The following TONSL variants were observed in gnomAD, a reference collection of about 807,000 sequenced individuals.
The protein encoded by TONSL is tonsoku like, DNA repair protein.
TONSL carries 112 observed loss-of-function variants against 147.1 expected under a neutral mutation model. That is an observed-to-expected ratio of 0.76 (90% CI 0.65 to 0.89). TONSL has a LOEUF of 0.89. Ranked by LOEUF, TONSL falls within the 40% of genes least tolerant of loss-of-function variation. The pLI is 0.00. For synonymous variants in TONSL, 868 were observed against 801.5 expected, an observed-to-expected ratio of 1.08 and a Z score of -1.40; for missense variants, 1,883 against 1,864.6, an observed-to-expected ratio of 1.01 and a Z score of -0.18.
chr8:144,443,205 C>T lies in TONSL; in HGVS notation c.381G>A (p.Arg127=), dbSNP rs1450006991. ...CAGCCTGTGCCTGCAGCAAAGCATC[C>T]CTCGACTGGCAGTGGTCATAGATGT... The part of the protein sequence containing the change: ...HLDIYDHCQS[R]DALLQAQAAF... Residue 127 remains arginine (R), a synonymous_variant, in exon 4 of 26, where the codon AGG becomes AGA. Coordinates refer to ENST00000409379, the MANE Select transcript of TONSL (RefSeq NM_013432.5). 8.4e-6 allele frequency: 13 copies of T among 1,550,774 alleles called. No homozygotes were observed. The highest frequency in any genetic ancestry group is 1.1e-5 in the Non-Finnish European group (13 of 1,146,966).
Position 144,429,170 on chromosome 8 carries a change from G to T in TONSL, c.4110C>A (p.Gly1370=). ...AGAGGCGCCGAAAGAAGAGCTTGGAGCCGTGGTCCAGCGTGCACTCGCCGG... is the reference window on the plus strand; with the variant it reads ...AGAGGCGCCGAAAGAAGAGCTTGGATCCGTGGTCCAGCGTGCACTCGCCGG... ...PGPGECTLDH[G]SKLFFRRL Residue 1370 remains glycine, a synonymous_variant, in exon 26 of 26, where the codon GGC becomes GGA. Coordinates refer to ENST00000409379, the MANE Select transcript of TONSL (RefSeq NM_013432.5). The T allele has an allele frequency of 6.5e-7, 1 of 1,533,316 alleles. No homozygotes were observed. The highest frequency in any genetic ancestry group is 8.7e-7 in the Non-Finnish European group (1 of 1,144,720). The allele number at this position is 1,533,316 out of a possible 1,614,324, so 95.0% of individuals were successfully genotyped here. A position where few individuals can be genotyped will look rare whatever the true frequency, so the allele number is the denominator to read the frequency against.
intron 7 of TONSL, 78 bp from the exon 8 acceptor site, chr8:144,441,189 C>T (rs1006971565): frequency 1.0e-5 from 16 of 1,558,632 alleles, no homozygotes; most frequent in Non-Finnish European, 5.2e-6. Context: ...GCTGTGAGCC[C>T]TGTGGTGGCC....
Position 144,443,874 on chromosome 8 carries a change from G to A in TONSL, c.264+8C>T, listed in dbSNP as rs761707120. On this transcript the variant is annotated splice_region_variant and intron_variant, in intron 3 of 25. Coordinates refer to ENST00000409379, the MANE Select transcript of TONSL (RefSeq NM_013432.5). ...CGGGCTGGACGAGGCCAGTGAGGGC[G>A]CCCGCACCTGCAAGGCAGCCGGGTA... 5.2e-6 allele frequency: 8 copies of A among 1,544,274 alleles called. 1 individual carries two copies. The South Asian group carries it at 9.5e-5, about 18-fold the overall frequency.
chr8:144,433,329 G>A, intron 22 of TONSL: 1 of 378,696 alleles, frequency 2.6e-6, no homozygotes, highest in Non-Finnish European at 4.8e-6. Flanking sequence ...GCCCGCCTTG[G>A]CCTCCCAAAG....
At position 144,435,176 on chromosome 8, in the gene TONSL, G is replaced by C. The variant is rs2130846533; in HGVS notation, c.2853-6C>G. Reference sequence around the variant, plus strand: ...CCACAGAGTGGGTGTCACTGCTGCAGGGACAGAGGCGCTGCTGCTGCTGCC... The same window carrying C: ...CCACAGAGTGGGTGTCACTGCTGCACGGACAGAGGCGCTGCTGCTGCTGCC... On this transcript the variant is annotated splice_region_variant and splice_polypyrimidine_tract_variant and intron_variant, in intron 18 of 25. Coordinates refer to ENST00000409379, the MANE Select transcript of TONSL (RefSeq NM_013432.5). 6.6e-7 allele frequency: 1 copy of C among 1,524,448 alleles called. No homozygotes were observed. Among genetic ancestry groups the C allele is most frequent in the South Asian group, 1.2e-5 (1 of 81,226 alleles). The allele number at this position is 1,524,448 out of a possible 1,614,324, so 94.4% of individuals were successfully genotyped here. A position where few individuals can be genotyped will look rare whatever the true frequency, so the allele number is the denominator to read the frequency against.
At position 144,440,575 on chromosome 8, in the gene TONSL, G is replaced by A. The variant is rs577664137; in HGVS notation, c.1165-99C>T. ...GCTGCCCAGACGAAATGGGAGCCCGGCCTCCCAGCTGCCGAGGGTGGATGG... is the reference window on the plus strand; with the variant it reads ...GCTGCCCAGACGAAATGGGAGCCCGACCTCCCAGCTGCCGAGGGTGGATGG... On this transcript the variant is annotated intron_variant, in intron 9 of 25. Transcript: ENST00000409379. 7.2e-6 allele frequency: 11 copies of A among 1,521,390 alleles called. No individual in the cohort carries two copies. In the East Asian group the frequency reaches 2.0e-4, roughly 28 times the overall value. 94.2% of individuals were successfully genotyped at this position (1,521,390 alleles called of 1,614,324 possible). A position where few individuals can be genotyped will look rare whatever the true frequency, so the allele number is the denominator to read the frequency against.
chr8:144,432,937 C>T lies in TONSL; in HGVS notation c.3560-477G>A, dbSNP rs540962268. 661 of 155,488 alleles carry T rather than the reference C, an allele frequency of 4.3e-3. 4 individuals are homozygous for T. Among genetic ancestry groups the T allele is most frequent in the Middle Eastern group, 0.023 (7 of 304 alleles). The allele number at this position is 155,488 out of a possible 1,614,324, so 9.6% of individuals were successfully genotyped here. ...ACACTAGCTGCCCGGACTCTGCTCTCGGTGTGTCCTGCGGGGGTCAGCCTG... is the reference window on the plus strand; with the variant it reads ...ACACTAGCTGCCCGGACTCTGCTCTTGGTGTGTCCTGCGGGGGTCAGCCTG... On this transcript the variant is annotated intron_variant, in intron 22 of 25. Coordinates refer to ENST00000409379, the MANE Select transcript of TONSL (RefSeq NM_013432.5).
rs1307538179 is a variant in TONSL, at chr8:144,443,898, T to TA, written c.247dup (p.Tyr83LeufsTer40). On this transcript the variant is annotated frameshift_variant, in exon 3 of 26. Coordinates refer to ENST00000409379, the MANE Select transcript of TONSL (RefSeq NM_013432.5). LOFTEE classifies it high-confidence loss of function. ...CGCCCGCACCTGCAAGGCAGCCGGG[T>TA]AGTCCTCCATCTCGGCCAGGCGCTC... The TA allele has an allele frequency of 3.9e-6, 6 of 1,545,290 alleles. No individual in the cohort carries two copies. The highest frequency in any genetic ancestry group is 5.2e-6 in the Non-Finnish European group (6 of 1,146,624).
At chr8:144,432,584 G>C (rs1251967492) in intron 22 of TONSL, 124 bp from the exon 23 acceptor site, 5 of 999,944 alleles carry the variant, frequency 5.0e-6, no homozygotes, top group Non-Finnish European at 6.9e-6. Flanking sequence ...GCAGGGTGGG[G>C]TGGCAAGTGC....
At chr8:144,443,495 G>C (rs1429476879) in intron 3 of TONSL, 174 bp from the exon 4 acceptor site, 12 of 675,192 alleles carry the variant, frequency 1.8e-5, no homozygotes. Flanking sequence ...GGCTCTCTGT[G>C]GTGACAGTGG....
In TONSL at chr8:144,429,231, T is replaced by C; in HGVS notation, c.4049A>G (p.Asp1350Gly). 2 of 1,535,144 alleles carry C rather than the reference T, an allele frequency of 1.3e-6. No individual in the cohort carries two copies. The highest frequency in any genetic ancestry group is 2.0e-5 in the Admixed American group (1 of 50,676). Reference protein sequence around the residue: ...CSRRLCAEDRDALRQLQPSRP... With the variant: ...CSRRLCAEDRGALRQLQPSRP... The stretch of plus-strand genomic sequence containing the variant: ...ACTGGGCTGCAGCTGGCGCAGGGCG[T>C]CCCTGTCCTCAGCGCAGAGGCGTCT... The change falls in exon 26 of 26, where the codon GAC becomes GGC. Residue 1350 changes from aspartate to glycine, a missense_variant. Physicochemically the swap from Asp to Gly is moderately conservative, Grantham distance 94 (BLOSUM62 -1). Transcript: ENST00000409379.
At position 144,440,999 on chromosome 8, in the gene TONSL, G is replaced by C. The variant is rs769856812; in HGVS notation, c.978C>G (p.Asp326Glu). 1 of 1,613,192 alleles carries C rather than the reference G, an allele frequency of 6.2e-7. No individual in the cohort carries two copies. Among genetic ancestry groups the C allele is most frequent in the Non-Finnish European group, 8.5e-7 (1 of 1,179,984 alleles). The change falls in exon 8 of 26, where the codon GAC becomes GAG. Residue 326 changes from aspartate (D) to glutamate (E), a missense_variant. Transcript: ENST00000409379. Reference sequence around the variant, plus strand: ...GGTAAGCCTCAGCTGCCCTGGGAAAGTCTCCTGCCTTGGAGAAGAGGTCCC... The same window carrying C: ...GGTAAGCCTCAGCTGCCCTGGGAAACTCTCCTGCCTTGGAGAAGAGGTCCC... ...QLGDLFSKAG[D>E]FPRAAEAYQK...
At position 144,436,411 on chromosome 8, in the gene TONSL, G is replaced by A. The variant is rs376258313; in HGVS notation, c.2022C>T (p.His674=). 9.6e-5 allele frequency: 145 copies of A among 1,513,404 alleles called. No individual in the cohort carries two copies. Among genetic ancestry groups the A allele is most frequent in the Non-Finnish European group, 1.3e-4 (143 of 1,136,366 alleles). The allele number at this position is 1,513,404 out of a possible 1,614,324, so 93.7% of individuals were successfully genotyped here. A position where few individuals can be genotyped will look rare whatever the true frequency, so the allele number is the denominator to read the frequency against. The change falls in exon 17 of 26, where the codon CAC becomes CAT. Residue 674 remains histidine (H), a synonymous_variant. Coordinates refer to ENST00000409379, the MANE Select transcript of TONSL (RefSeq NM_013432.5). ...TTGGGGTGTGGAAGGCCTGGGAGCT[G>A]TGGGGATCTGTGGGAGAGAGAATGC... ...LQAAASGQDP[H]SSQAFHTPSS...
At chr8:144,441,172 C>T in intron 7 of TONSL, 61 bp from the exon 8 acceptor site, 1 of 1,589,668 alleles carries the variant, frequency 6.3e-7, no homozygotes, top group Non-Finnish European at 8.6e-7. Flanking sequence ...AGCTCTACCA[C>T]CTGCAAGCTG....
Position 144,432,446 on chromosome 8 carries a change from T to C in TONSL, c.3574A>G (p.Lys1192Glu), listed in dbSNP as rs1823247076. 1 of 1,550,816 alleles carries C rather than the reference T, an allele frequency of 6.4e-7. No individual in the cohort carries two copies. The highest frequency in any genetic ancestry group is 1.4e-5 in the African/African-American group (1 of 72,414). ...GSAFQDAEHLKTLSLSYNALG... is the reference protein window; with the variant it reads ...GSAFQDAEHLETLSLSYNALG... Reference sequence around the variant, plus strand: ...GCGTTGTAGGACAGGGACAGGGTCTTCAGGTGCTCAGCATCTGCACCGGGG... The same window carrying C: ...GCGTTGTAGGACAGGGACAGGGTCTCCAGGTGCTCAGCATCTGCACCGGGG... The change falls in exon 23 of 26, where the codon AAG (lysine) becomes GAG (glutamate). Residue 1192 changes from lysine (K) to glutamate (E), a missense_variant. Coordinates refer to ENST00000409379, the MANE Select transcript of TONSL (RefSeq NM_013432.5).
Position 144,436,083 on chromosome 8 carries a change from T to C in TONSL, c.2350A>G (p.Thr784Ala), listed in dbSNP as rs1454291291. The C allele has an allele frequency of 1.3e-6, 2 of 1,570,006 alleles. No homozygotes were observed. The highest frequency in any genetic ancestry group is 2.3e-5 in the South Asian group (2 of 88,050). The change falls in exon 17 of 26, where the codon ACA becomes GCA. Residue 784 changes from threonine to alanine, a missense_variant. Thr to Ala is a moderately conservative substitution (Grantham distance 58). Transcript: ENST00000409379. ...TAGGCTGCCCGGCTGGTGCTGGCTG[T>C]GGCTGCTTCCCTGTTGCTGGCGGGG... The part of the protein sequence containing the change: ...PGPASNREAA[T>A]ASTSRAAYQA...
chr8:144,431,316 G>A (rs568953229), intron 23 of TONSL, among the ~76,000 whole-genome samples, 165 bp from the exon 24 acceptor site: 6 of 152,266 alleles, frequency 3.9e-5, no homozygotes, highest in Admixed American at 1.3e-4. Flanking sequence ...CACTCTGCAC[G>A]TGATAGTGTG....
At position 144,442,117 on chromosome 8, in the gene TONSL, T is replaced by C; in HGVS notation, c.785A>G (p.Lys262Arg). The C allele has an allele frequency of 6.2e-7, 1 of 1,612,608 alleles. No individual in the cohort carries two copies. The highest frequency in any genetic ancestry group is 1.1e-5 in the South Asian group (1 of 91,070). ...CCTGTAGGCCTTCTTCAGGGCTCGCTTGGCAGCCAAAAAGTCTCCCAGGTC... is the reference window on the plus strand; with the variant it reads ...CCTGTAGGCCTTCTTCAGGGCTCGCCTGGCAGCCAAAAAGTCTCCCAGGTC... The part of the protein sequence containing the change: ...LQDLGDFLAA[K>R]RALKKAYRLG... Residue 262 changes from lysine to arginine, a missense_variant, in exon 7 of 26, where the codon AAG becomes AGG. Physicochemically the swap from Lys to Arg is conservative, Grantham distance 26. Coordinates refer to ENST00000409379, the MANE Select transcript of TONSL (RefSeq NM_013432.5).
In TONSL at chr8:144,440,741, G is replaced by A. The variant is rs1315663424; in HGVS notation, c.1141C>T (p.Leu381=). The change falls in exon 9 of 26, where the codon CTG becomes TTG. Residue 381 remains leucine (L), a synonymous_variant. Coordinates refer to ENST00000409379, the MANE Select transcript of TONSL (RefSeq NM_013432.5). ...AVRHYEEELR[L]RSGNVLEEAK... ...ACCTCCAGCACGTTGCCGCTGCGCA[G>A]CCTCAGTTCCTCCTCATAGTGGCGC... 1 of 1,612,764 alleles carries A rather than the reference G, an allele frequency of 6.2e-7. No individual in the cohort carries two copies.
Sources: gnomAD v4.1 joint callset for allele counts (sites outside exome capture counted in the v4.1 genomes callset) on GRCh38, gnomAD v4.1.1 for gene constraint, MANE v1.5 for transcripts, NCBI Gene and HGNC (gene_info 2026-07-23, HGNC 2026-07-21) for gene names.